TEP1: variants seen among roughly 807,000 people sequenced by gnomAD.
TEP1 encodes telomerase protein component 1.
Under a neutral mutation model 306.3 loss-of-function variants are expected in TEP1, and 241 were observed. The observed-to-expected ratio is 0.79, with a 90% CI of 0.71 to 0.88. TEP1 has a LOEUF of 0.88. Ranked by LOEUF, TEP1 falls within the 40% of genes least tolerant of loss-of-function variation. TEP1 has a pLI of 0.00. For synonymous variants in TEP1, 1,289 were observed against 1,305.5 expected (o/e 0.99, Z 0.27); for missense variants, 3,051 against 3,276.1 (o/e 0.93, Z 1.68).
Position 20,373,699 on chromosome 14 carries a change from C to T in TEP1, c.6583G>A (p.Ala2195Thr), listed in dbSNP as rs751544169. 1.2e-6 allele frequency: 2 copies of T among 1,614,202 alleles called. No individual in the cohort carries two copies. The highest frequency in any genetic ancestry group is 1.7e-6 in the Non-Finnish European group (2 of 1,180,038). Residue 2195 changes from alanine to threonine, a missense_variant, in exon 45 of 55, where the codon GCT (alanine) becomes ACT (threonine). Physicochemically the swap from Ala to Thr is moderately conservative, Grantham distance 58. Around this residue, in one of 3 missense-constraint regions of TEP1, gnomAD observed 1,540 missense variants for 1,705.9 expected, o/e 0.90. Coordinates refer to ENST00000262715, the MANE Select transcript of TEP1 (RefSeq NM_007110.5). ...AHSGPISHCAAAMEPRAAGQP... is the reference protein window; with the variant it reads ...AHSGPISHCATAMEPRAAGQP... Reference sequence around the variant, plus strand: ...TTACCTGCACGGGGCTCCATGGCAGCTGCACAGTGGCTAATGGGTCCTGAG... The same window carrying T: ...TTACCTGCACGGGGCTCCATGGCAGTTGCACAGTGGCTAATGGGTCCTGAG...
In TEP1 at chr14:20,374,456, C is replaced by G; in HGVS notation, c.6444G>C (p.Gln2148His). The G allele has an allele frequency of 6.2e-7, 1 of 1,613,446 alleles. No homozygotes were observed. The highest frequency in any genetic ancestry group is 8.5e-7 in the Non-Finnish European group (1 of 1,179,944). The change falls in exon 44 of 55, where the codon CAG becomes CAC. Residue 2148 changes from glutamine to histidine, a missense_variant. This residue lies in a region of TEP1 where 1,540 missense variants were observed against 1,705.9 expected (regional missense o/e 0.90). Transcript: ENST00000262715. ...GQRLGQFLGH[Q>H]SAVSAVAAVE... is the part of the protein sequence containing the mutation. ...CAGCTGCCACAGCGCTCACAGCACTCTGATGACCCAGGAACTGACCAAGCC... is the reference window on the plus strand; with the variant it reads ...CAGCTGCCACAGCGCTCACAGCACTGTGATGACCCAGGAACTGACCAAGCC...
intron 17 of TEP1, among the ~76,000 whole-genome samples, chr14:20,388,875 T>C (rs972711522): frequency 2.0e-5 from 3 of 152,038 alleles, no homozygotes; most frequent in Non-Finnish European, 4.4e-5. Context: ...TGGAGCCGGG[T>C]GCGGTGGCTC....
Position 20,401,439 on chromosome 14 carries a change from C to A in TEP1, c.1391+18G>T, listed in dbSNP as rs780886590. On this transcript the variant is annotated intron_variant, in intron 8 of 54. Coordinates refer to ENST00000262715, the MANE Select transcript of TEP1 (RefSeq NM_007110.5). ...GAATTACTTAGATGGAATGCATGCT[C>A]AGGGTGCAGCTTCTCACCTGTAACC... 1 of 1,612,704 alleles carries A rather than the reference C, an allele frequency of 6.2e-7. No individual in the cohort carries two copies. The highest frequency in any genetic ancestry group is 1.1e-5 in the South Asian group (1 of 90,838).
At chr14:20,400,216 C>T (rs998187200) in intron 9 of TEP1, among the ~76,000 whole-genome samples, 2 of 150,500 alleles carry the variant, frequency 1.3e-5, no homozygotes, top group Non-Finnish European at 3.0e-5. Context: ...TACTCCACCC[C>T]AAGTGGTTTC....
At chr14:20,404,037 T>A (rs1461511742) in intron 5 of TEP1, among the ~76,000 whole-genome samples, 153 bp from the exon 6 acceptor site, 1 of 152,156 alleles carries the variant, frequency 6.6e-6, no homozygotes, top group African/African-American at 2.4e-5. Flanking sequence ...GGTACTGATT[T>A]TCATTTCTTC....
rs1876502609 is a variant in TEP1, at chr14:20,381,259, G to C, written c.4647+54C>G. On this transcript the variant is annotated intron_variant, in intron 32 of 54. Transcript: ENST00000262715. The surrounding 1 kb of genome is among the most constrained non-coding windows in gnomAD (Gnocchi z 4.0). ...GATGGTAACGGGGAGAGGGGTCTCA[G>C]AGCAACCAAAGCACTCACTTTGGGA... is the stretch of plus-strand genomic sequence containing the variant. 1.1e-5 allele frequency: 17 copies of C among 1,570,564 alleles called. No individual in the cohort carries two copies. In the South Asian group the frequency reaches 1.8e-4, roughly 16 times the overall value.
chr14:20,380,072 G>C lies in TEP1; in HGVS notation c.5004-19C>G. The stretch of plus-strand genomic sequence containing the variant: ...GCTGGAGCTAGAGAAAGAGTAGGAA[G>C]AAAGGGAGGAAATAAACGAGAGAAT... On this transcript the variant is annotated intron_variant, in intron 34 of 54. Coordinates refer to ENST00000262715, the MANE Select transcript of TEP1 (RefSeq NM_007110.5). 1 of 1,606,070 alleles carries C rather than the reference G, an allele frequency of 6.2e-7. No homozygotes were observed. The highest frequency in any genetic ancestry group is 8.5e-7 in the Non-Finnish European group (1 of 1,177,010).
chr14:20,396,015 C>T, intron 10 of TEP1, 66 bp from the exon 11 acceptor site: 1 of 1,229,312 alleles, frequency 8.1e-7, no homozygotes, highest in Non-Finnish European at 1.2e-6. Flanking sequence ...TTCAGGGGTC[C>T]ACTCTATTAG....
In TEP1 at chr14:20,377,739, T is replaced by G. The variant is rs1372957343; in HGVS notation, c.5736A>C (p.Ser1912=). 1.2e-6 allele frequency: 2 copies of G among 1,613,644 alleles called. No individual in the cohort carries two copies. The highest frequency in any genetic ancestry group is 1.7e-6 in the Non-Finnish European group (2 of 1,179,892). ...AGEDGKVQVW[S]GSLGRPRGHL... is the part of the protein sequence containing the mutation. Reference sequence around the variant, plus strand: ...GCCCACGGGGCCGACCCAGAGACCCTGACCACACCTGAACCTGGGAACCAA... The same window carrying G: ...GCCCACGGGGCCGACCCAGAGACCCGGACCACACCTGAACCTGGGAACCAA... The change falls in exon 40 of 55, where the codon TCA becomes TCC. Residue 1912 remains serine (S), a synonymous_variant. Coordinates refer to ENST00000262715, the MANE Select transcript of TEP1 (RefSeq NM_007110.5).
At chr14:20,390,387 CT>C (rs1450536958) in intron 15 of TEP1, among the ~76,000 whole-genome samples, 5 of 152,364 alleles carry the variant, frequency 3.3e-5, no homozygotes, top group Middle Eastern at 6.8e-3. Context: ...TCCTGAGCGT[CT>C]TTTCCCAACT....
chr14:20,369,761 C>G lies in TEP1; in HGVS notation c.7336G>C (p.Glu2446Gln), dbSNP rs1358917273. 1.2e-6 allele frequency: 2 copies of G among 1,614,050 alleles called. No individual in the cohort carries two copies. The highest frequency in any genetic ancestry group is 8.5e-7 in the Non-Finnish European group (1 of 1,179,990). ...TCAAAGTTCAGCCTCTCTTCAAACT[C>G]TCCTGATTCCTTTTGCCTCTGTGAA... ...LSFLRQKESG[E>Q]FEERLNFDIN... Residue 2446 changes from glutamate (E) to glutamine (Q), a missense_variant, in exon 52 of 55, where the codon GAG becomes CAG. By Grantham distance (29) the Glu-to-Gln change is conservative (BLOSUM62 2). Coordinates refer to ENST00000262715, the MANE Select transcript of TEP1 (RefSeq NM_007110.5).
intron 44 of TEP1, 89 bp from the exon 45 acceptor site, chr14:20,373,899 G>A (rs1885017802): frequency 2.6e-6 from 4 of 1,521,160 alleles, no homozygotes; most frequent in Admixed American, 1.8e-5. Flanking sequence ...TGGAGCATTA[G>A]GAGCATGGAA....
chr14:20,396,393 G>T (rs921548204), intron 10 of TEP1, among the ~76,000 whole-genome samples: 2 of 152,344 alleles, frequency 1.3e-5, no homozygotes, highest in Non-Finnish European at 2.9e-5. Flanking sequence ...AAATTAAAAT[G>T]AAAGTTCTTA....
chr14:20,407,827 T>C (rs758611607), intron 2 of TEP1, 46 bp downstream of exon 2: 1 of 1,471,110 alleles, frequency 6.8e-7, no homozygotes, highest in South Asian at 1.3e-5. Context: ...GACAAGAGCA[T>C]ACAACAGACA....
chr14:20,383,726 C>T lies in TEP1; in HGVS notation c.3710+17G>A, dbSNP rs1348780216. The T allele has an allele frequency of 1.2e-6, 2 of 1,609,684 alleles. No homozygotes were observed. The highest frequency in any genetic ancestry group is 1.7e-6 in the Non-Finnish European group (2 of 1,178,150). On this transcript the variant is annotated intron_variant, in intron 25 of 54. Coordinates refer to ENST00000262715, the MANE Select transcript of TEP1 (RefSeq NM_007110.5). ...ACGTGGGCATCAACAAGGCTGGGCT[C>T]ATTGGGGGATACCCACCGGTAGGTG... is the stretch of plus-strand genomic sequence containing the variant.
At chr14:20,401,719 G>T in intron 7 of TEP1, 138 bp from the exon 8 acceptor site, 1 of 1,274,362 alleles carries the variant, frequency 7.8e-7, no homozygotes, top group Non-Finnish European at 1.1e-6. Flanking sequence ...CCAAGGAGCA[G>T]GAATAGAGGG....
rs576018081 is a variant in TEP1, at chr14:20,369,678, T to C, written c.7419A>G (p.Glu2473=). Residue 2473 remains glutamate (E), a synonymous_variant, in exon 52 of 55, where the codon GAA becomes GAG. Coordinates refer to ENST00000262715, the MANE Select transcript of TEP1 (RefSeq NM_007110.5). ...GGTCCTCCTGTTACCACTCACCAGA[T>C]TCAGGTTTGGCTTGAGTTATCGATA... ...TLISITQAKP[E]SESSFLCASS... 13 of 1,614,052 alleles carry C rather than the reference T, an allele frequency of 8.1e-6. No individual in the cohort carries two copies. The African/African-American group carries it at 1.3e-4, about 17-fold the overall frequency.
Position 20,371,380 on chromosome 14 carries a change from T to C in TEP1, c.7221-66A>G, listed in dbSNP as rs1884830177. 14 of 1,595,842 alleles carry C rather than the reference T, an allele frequency of 8.8e-6. No homozygotes were observed. The South Asian group carries it at 1.4e-4, about 16-fold the overall frequency. The stretch of plus-strand genomic sequence containing the variant: ...AGAGAGGTAAAGAGAAGAACACCTC[T>C]CTTTAAGACTCCAGAGTTTTCTTCT... On this transcript the variant is annotated intron_variant, in intron 50 of 54. Coordinates refer to ENST00000262715, the MANE Select transcript of TEP1 (RefSeq NM_007110.5).
Position 20,371,491 on chromosome 14 carries a change from G to A in TEP1, c.7218C>T (p.Ile2406=), listed in dbSNP as rs779964789. ...CMKPGDAPSE[I]WSSYTENPMI... is the part of the protein sequence containing the mutation. ...GGAAATGGCATTTTGGATCTTACCA[G>A]ATTTCAGATGGAGCATCCCCTGGCT... is the stretch of plus-strand genomic sequence containing the variant. Residue 2406 remains isoleucine, a splice_region_variant and synonymous_variant, in exon 50 of 55, where the codon ATC becomes ATT. Coordinates refer to ENST00000262715, the MANE Select transcript of TEP1 (RefSeq NM_007110.5). 2 of 1,609,716 alleles carry A rather than the reference G, an allele frequency of 1.2e-6. No individual in the cohort carries two copies. The highest frequency in any genetic ancestry group is 1.1e-5 in the South Asian group (1 of 89,966).
Sources: gnomAD v4.1 joint callset for allele counts (sites outside exome capture counted in the v4.1 genomes callset) on GRCh38, gnomAD v4.1.1 for gene constraint, gnomAD v4.1.1 regional missense constraint, Gnocchi (gnomAD v3.1) non-coding constraint, MANE v1.5 for transcripts, NCBI Gene and HGNC (gene_info 2026-07-23, HGNC 2026-07-21) for gene names.